Variants in LAMB4 observed in about 807,000 individuals in gnomAD.
LAMB4 encodes the protein laminin subunit beta 4, also known as laminin subunit beta-4.
LAMB4 carries 196 observed loss-of-function variants against 199.2 expected under a neutral mutation model. The ratio of observed to expected loss-of-function variants is 0.98; its 90% confidence interval spans 0.88 to 1.11. The LOEUF (loss-of-function observed/expected upper bound fraction) is 1.11. LAMB4 is among the 50% of genes least tolerant of loss of function. The probability of loss-of-function intolerance (pLI) is 0.00; values close to 1 mark genes in which losing one functional copy is unlikely to be tolerated. For synonymous variants in LAMB4, 744 were observed against 770.6 expected (o/e 0.97, Z 0.57); for missense variants, 2,080 against 2,171.2 (o/e 0.96, Z 0.83).
chr7:108,031,882 A>G (rs1387568409), intron 31 of LAMB4, among the ~76,000 whole-genome samples: 1 of 152,144 alleles, frequency 6.6e-6, no homozygotes, highest in Non-Finnish European at 1.5e-5. Context: ...CAGTGACCAT[A>G]TTGATCATAT....
intron 31 of LAMB4, among the ~76,000 whole-genome samples, chr7:108,033,410 T>C (rs368247537): frequency 6.6e-6 from 1 of 152,232 alleles, no homozygotes; most frequent in East Asian, 1.9e-4. Flanking sequence ...TCTGTTGCTT[T>C]CTGCTTTGTT....
intron 25 of LAMB4, among the ~76,000 whole-genome samples, chr7:108,054,610 A>C (rs966986047): frequency 6.6e-6 from 1 of 152,126 alleles, no homozygotes; most frequent in Non-Finnish European, 1.5e-5. Flanking sequence ...AACTATACCC[A>C]ATTCATCCTG....
chr7:108,089,235 A>G (rs1270259085), intron 14 of LAMB4, among the ~76,000 whole-genome samples: 1 of 152,112 alleles, frequency 6.6e-6, no homozygotes, highest in African/African-American at 2.4e-5. Flanking sequence ...ATGGTGCAGT[A>G]TCTACTGAGG....
chr7:108,029,176 T>C lies in LAMB4; in HGVS notation c.5013A>G (p.Lys1671=). 6.2e-7 allele frequency: 1 copy of C among 1,612,014 alleles called. No individual in the cohort carries two copies. Among genetic ancestry groups the C allele is most frequent in the Non-Finnish European group, 8.5e-7 (1 of 1,179,512 alleles). The change falls in exon 33 of 34, where the codon AAA becomes AAG. Residue 1671 remains lysine (K), a synonymous_variant. Coordinates refer to ENST00000388781, the MANE Select transcript of LAMB4 (RefSeq NM_007356.3). Reference sequence around the variant, plus strand: ...TCTTACGTTGGAGAATAGCATATTGTTTTTTCAGCTCAACAAATTCCTGTA... The same window carrying C: ...TCTTACGTTGGAGAATAGCATATTGCTTTTTCAGCTCAACAAATTCCTGTA... ...SLEKEFVELK[K]QYAILQRKTS...
Position 108,055,765 on chromosome 7 carries a change from C to G in LAMB4, c.3622G>C (p.Glu1208Gln), listed in dbSNP as rs868191711. Residue 1208 changes from glutamate to glutamine, a missense_variant, in exon 25 of 34, where the codon GAG becomes CAG. Transcript: ENST00000388781. ...TCTGCCTCACAGACAGGCAGGGTCT[C>G]TCTTTTATCTTCCATGTTAGCAGCC... Reference protein sequence around the residue: ...RLAANMEDKRETLPVCEADFK... With the variant: ...RLAANMEDKRQTLPVCEADFK... 1.9e-6 allele frequency: 3 copies of G among 1,614,216 alleles called. No individual in the cohort carries two copies. In the Middle Eastern group the frequency reaches 4.9e-4, roughly 266 times the overall value.
chr7:108,118,271 G>A (rs2038478490), intron 2 of LAMB4, among the ~76,000 whole-genome samples: 3 of 152,088 alleles, frequency 2.0e-5, no homozygotes, highest in South Asian at 4.1e-4. Context: ...TGATAATTTT[G>A]TAGATGTAAA....
Position 108,024,153 on chromosome 7 carries a change from C to A in LAMB4, c.5172G>T (p.Leu1724Phe). Reference protein sequence around the residue: ...ITDLERKIQDLNLSRQAKADQ... With the variant: ...ITDLERKIQDFNLSRQAKADQ... Reference sequence around the variant, plus strand: ...CAGCTTTTGCTTGTCTACTTAGATTCAAATCTTGGATTTTCCTTTCTAAAT... The same window carrying A: ...CAGCTTTTGCTTGTCTACTTAGATTAAAATCTTGGATTTTCCTTTCTAAAT... The change falls in exon 34 of 34, where the codon TTG becomes TTT. Residue 1724 changes from leucine (L) to phenylalanine (F), a missense_variant. By Grantham distance (22) the Leu-to-Phe change is conservative. Transcript: ENST00000388781. The A allele has an allele frequency of 6.4e-7, 1 of 1,570,428 alleles. No homozygotes were observed. The highest frequency in any genetic ancestry group is 1.2e-5 in the South Asian group (1 of 84,490).
At chr7:108,079,893 T>C in intron 14 of LAMB4, 107 bp from the exon 15 acceptor site, 1 of 703,150 alleles carries the variant, frequency 1.4e-6, no homozygotes. Context: ...CTGGTGTGTA[T>C]ATGATTCATA....
Position 108,066,556 on chromosome 7 carries a change from G to T in LAMB4, c.2491C>A (p.Gln831Lys). Reference protein sequence around the residue: ...PQGSKDTVCDQVTGQCPCHGE... With the variant: ...PQGSKDTVCDKVTGQCPCHGE... ...TGGCAGGGGCACTGTCCTGTTACTT[G>T]GTCACATACAGTGTCCTTTGATCCT... Residue 831 changes from glutamine (Q) to lysine (K), a missense_variant, in exon 20 of 34, where the codon CAA becomes AAA. Gln to Lys is a moderately conservative substitution (Grantham distance 53). Transcript: ENST00000388781. 6.2e-7 allele frequency: 1 copy of T among 1,613,436 alleles called. No homozygotes were observed. Among genetic ancestry groups the T allele is most frequent in the East Asian group, 2.2e-5 (1 of 44,836 alleles).
chr7:108,055,680 A>G lies in LAMB4; in HGVS notation c.3707T>C (p.Phe1236Ser). ...GACTTTTAAGAATTTCCCAGATGGG[A>G]AAACAGGATGTTTCAAAATCCTTTC... ...EIERILKHPVFPSGKFLKVKD... is the reference protein window; with the variant it reads ...EIERILKHPVSPSGKFLKVKD... The change falls in exon 25 of 34, where the codon TTC becomes TCC. Residue 1236 changes from phenylalanine (F) to serine (S), a missense_variant. Transcript: ENST00000388781. 6.2e-7 allele frequency: 1 copy of G among 1,614,130 alleles called. No individual in the cohort carries two copies. Among genetic ancestry groups the G allele is most frequent in the Non-Finnish European group, 8.5e-7 (1 of 1,179,980 alleles).
chr7:108,091,704 AG>A lies in LAMB4; in HGVS notation c.1622del (p.Pro541LeufsTer8). 16 of 1,614,220 alleles carry A rather than the reference AG, an allele frequency of 9.9e-6. No individual in the cohort carries two copies. Among genetic ancestry groups the A allele is most frequent in the Non-Finnish European group, 1.4e-5 (16 of 1,180,032 alleles). On this transcript the variant is annotated frameshift_variant, in exon 14 of 34. Coordinates refer to ENST00000388781, the MANE Select transcript of LAMB4 (RefSeq NM_007356.3). LOFTEE classifies it high-confidence loss of function. ...AATTCAAAGGAGCAAAGAAGTAGCC[AG>A]GGGCTGGTTCAGAGCAGCTACGGCC... ...VTGRSCSEPA[P>X]GYFFAPLNFY...
In LAMB4 at chr7:108,069,713, GC is replaced by G. The variant is rs1294384473; in HGVS notation, c.2296del (p.Ala766LeufsTer67). On this transcript the variant is annotated frameshift_variant, in exon 18 of 34. Coordinates refer to ENST00000388781, the MANE Select transcript of LAMB4 (RefSeq NM_007356.3). LOFTEE classifies it high-confidence loss of function. The part of the protein sequence containing the change: ...ISMSAKLHDG[A>X]VACKCHPQGS... Reference sequence around the variant, plus strand: ...CCCATTAAACAGATACTTACCCACAGCCCCATCATGCAGCTTGGCAGACATG... The same window carrying G: ...CCCATTAAACAGATACTTACCCACAGCCCATCATGCAGCTTGGCAGACATG... The G allele has an allele frequency of 6.2e-7, 1 of 1,613,290 alleles. No homozygotes were observed. The highest frequency in any genetic ancestry group is 1.7e-5 in the Admixed American group (1 of 59,976).
chr7:108,103,471 G>C (rs916598624), intron 9 of LAMB4, among the ~76,000 whole-genome samples: 11 of 152,204 alleles, frequency 7.2e-5, no homozygotes, highest in African/African-American at 2.4e-4. Context: ...TAAATATGTA[G>C]TTTTTAAAAA....
Position 108,029,033 on chromosome 7 carries a change from G to T in LAMB4, c.5146+10C>A, listed in dbSNP as rs751895647. 2 of 1,609,696 alleles carry T rather than the reference G, an allele frequency of 1.2e-6. No individual in the cohort carries two copies. The highest frequency in any genetic ancestry group is 1.3e-5 in the African/African-American group (1 of 74,798). On this transcript the variant is annotated intron_variant, in intron 33 of 33. Coordinates refer to ENST00000388781, the MANE Select transcript of LAMB4 (RefSeq NM_007356.3). ...TATCAAATTGGCAGGATGGATAAAA[G>T]AACAGATACCTGTTATTCTTCTTAT...
intron 17 of LAMB4, among the ~76,000 whole-genome samples, chr7:108,071,344 A>G (rs904394905): frequency 6.7e-6 from 1 of 149,212 alleles, no homozygotes; most frequent in Non-Finnish European, 1.5e-5. Context: ...TTCTCTCATC[A>G]GCACCCCCCT....
rs569347497 is a variant in LAMB4, at chr7:108,034,226, T to C, written c.4800A>G (p.Ile1600Met). The C allele has an allele frequency of 2.1e-5, 34 of 1,614,128 alleles. 1 individual carries two copies. In the South Asian group the frequency reaches 3.5e-4, roughly 17 times the overall value. The part of the protein sequence containing the change: ...ITQLTANITK[I>M]KKNVLQAENQ... The stretch of plus-strand genomic sequence containing the variant: ...CAAATACCTGCAGCACATTCTTTTT[T>C]ATTTTTGTTATATTGGCAGTCAGCT... Residue 1600 changes from isoleucine (I) to methionine (M), a missense_variant, in exon 31 of 34, where the codon ATA becomes ATG. Physicochemically the swap from Ile to Met is conservative, Grantham distance 10. Transcript: ENST00000388781.
chr7:108,028,010 C>G (rs952891676), intron 33 of LAMB4, among the ~76,000 whole-genome samples: 1 of 152,282 alleles, frequency 6.6e-6, no homozygotes, highest in Non-Finnish European at 1.5e-5. Context: ...TCTCAAACTC[C>G]TGGGGTCAAG....
Position 108,091,664 on chromosome 7 carries a change from C to T in LAMB4, c.1663G>A (p.Ala555Thr). 12 of 1,614,120 alleles carry T rather than the reference C, an allele frequency of 7.4e-6. No homozygotes were observed. The highest frequency in any genetic ancestry group is 1.0e-5 in the Non-Finnish European group (12 of 1,179,996). The stretch of plus-strand genomic sequence containing the variant: ...CCTTGGAGTGTTGTGGCTTCCTCTG[C>T]CTCGTAGAGATAGAAATTCAAAGGA... ...FAPLNFYLYE[A>T]EEATTLQGLA... Residue 555 changes from alanine to threonine, a missense_variant, in exon 14 of 34, where the codon GCA becomes ACA. By Grantham distance (58) the Ala-to-Thr change is moderately conservative. Transcript: ENST00000388781.
chr7:108,082,542 G>A (rs2036992037), intron 14 of LAMB4, among the ~76,000 whole-genome samples: 1 of 152,160 alleles, frequency 6.6e-6, no homozygotes, highest in Non-Finnish European at 1.5e-5. Flanking sequence ...AGGGACATAT[G>A]TGGGTCAGGT....
Sources: allele counts gnomAD v4.1 joint callset (sites outside exome capture counted in the v4.1 genomes callset), GRCh38; gene constraint gnomAD v4.1.1; transcripts MANE v1.5; gene names NCBI Gene and HGNC (gene_info 2026-07-23, HGNC 2026-07-21).